SCAI: variants seen among roughly 807,000 people sequenced by gnomAD.
SCAI encodes suppressor of cancer cell invasion.
A neutral mutation model predicts 92.2 loss-of-function variants in SCAI; 24 were observed. That is an observed-to-expected ratio of 0.26 (90% CI 0.19 to 0.37). SCAI has a LOEUF of 0.37. Among genes scored for constraint, SCAI ranks in the 10% least tolerant of loss-of-function variants. The pLI is 1.00. For synonymous variants in SCAI, 261 were observed against 258.6 expected, an observed-to-expected ratio of 1.01 and a Z score of -0.09; for missense variants, 450 against 736.2, an observed-to-expected ratio of 0.61 and a Z score of 4.50.
intron 2 of SCAI, among the ~76,000 whole-genome samples, chr9:125,096,991 T>C (rs559749301): frequency 1.4e-4 from 22 of 152,224 alleles, no homozygotes; most frequent in Non-Finnish European, 1.8e-4. Flanking sequence ...CACATTTTTT[T>C]TGAGAAGTAG....
At chr9:124,971,871 T>G in intron 15 of SCAI, 27 bp from the exon 16 acceptor site, 2 of 1,463,722 alleles carry the variant, frequency 1.4e-6, no homozygotes, top group Non-Finnish European at 1.8e-6. Context: ...GTTATATATA[T>G]AGACAATAGT....
chr9:125,000,821 T>A (rs570862201), intron 12 of SCAI, among the ~76,000 whole-genome samples: 1 of 152,314 alleles, frequency 6.6e-6, no homozygotes, highest in South Asian at 2.1e-4. Flanking sequence ...CACTATTGTA[T>A]CAAGCACTTT....
chr9:125,069,110 C>A (rs779484202), intron 2 of SCAI, among the ~76,000 whole-genome samples: 1 of 151,708 alleles, frequency 6.6e-6, no homozygotes, highest in Non-Finnish European at 1.5e-5. Context: ...CCTAGCTACT[C>A]GGGAGGCTGA....
chr9:125,028,655 A>G (rs1374826692), intron 4 of SCAI, among the ~76,000 whole-genome samples, 177 bp from the exon 5 acceptor site: 1 of 149,092 alleles, frequency 6.7e-6, no homozygotes, highest in Non-Finnish European at 1.5e-5. Flanking sequence ...ATGTCTATTT[A>G]TAAGTTGAAA....
intron 2 of SCAI, among the ~76,000 whole-genome samples, chr9:125,095,024 A>C (rs1442118569): frequency 6.6e-6 from 1 of 152,160 alleles, no homozygotes; most frequent in Non-Finnish European, 1.5e-5. Context: ...AGACAAACAG[A>C]TGTGTCACCC....
intron 2 of SCAI, among the ~76,000 whole-genome samples, chr9:125,097,679 A>T (rs904562603): frequency 6.6e-6 from 1 of 151,820 alleles, no homozygotes; most frequent in Non-Finnish European, 1.5e-5. Flanking sequence ...AAGTAGGAAG[A>T]TTTCTCTAAC....
chr9:125,076,950 C>T (rs1195659005), intron 2 of SCAI, among the ~76,000 whole-genome samples: 2 of 152,182 alleles, frequency 1.3e-5, no homozygotes, highest in South Asian at 2.1e-4. Flanking sequence ...GATCCACCTG[C>T]CTTGGCCTCC....
chr9:125,067,884 T>C (rs973867118), intron 2 of SCAI, among the ~76,000 whole-genome samples: 1 of 152,208 alleles, frequency 6.6e-6, no homozygotes, highest in South Asian at 2.1e-4. Context: ...AAAGAAAATT[T>C]GGCAAATTAT....
intron 17 of SCAI, among the ~76,000 whole-genome samples, chr9:124,962,341 G>C (rs1443942727): frequency 6.6e-6 from 1 of 151,852 alleles, no homozygotes; most frequent in African/African-American, 2.4e-5. Flanking sequence ...TGTATTTTTA[G>C]TAGAGACGAG....
chr9:125,089,194 GTTCAGACTACCTCAAGTAGATAAACCAA>G (rs1391492307), intron 2 of SCAI, among the ~76,000 whole-genome samples: 1 of 152,046 alleles, frequency 6.6e-6, no homozygotes, highest in Non-Finnish European at 1.5e-5. Flanking sequence ...TCTACTTGTA[GTTCAGACTACCTCAAGTAGATAAACCAA>G]TTGTGCTGCT....
chr9:125,120,904 G>A (rs1375752898), intron 2 of SCAI, among the ~76,000 whole-genome samples: 1 of 151,558 alleles, frequency 6.6e-6, no homozygotes, highest in Non-Finnish European at 1.5e-5. Flanking sequence ...AGAAAAATAG[G>A]AGAGAGGACA....
chr9:124,966,720 T>C (rs1367510953), intron 17 of SCAI, among the ~76,000 whole-genome samples: 1 of 152,122 alleles, frequency 6.6e-6, no homozygotes, highest in Non-Finnish European at 1.5e-5. Context: ...AAAAAATAAT[T>C]TTATTTCAGG....
At chr9:125,072,309 A>T (rs1343506377) in intron 2 of SCAI, among the ~76,000 whole-genome samples, 2 of 152,200 alleles carry the variant, frequency 1.3e-5, no homozygotes, top group Non-Finnish European at 2.9e-5. Flanking sequence ...GGCGTAAGAT[A>T]GTAGAGATTC....
chr9:125,075,079 C>T (rs1834061040), intron 2 of SCAI, among the ~76,000 whole-genome samples: 1 of 152,060 alleles, frequency 6.6e-6, no homozygotes, highest in Non-Finnish European at 1.5e-5. Flanking sequence ...CATGGAATGA[C>T]TATTTATGAA....
At chr9:125,096,475 T>C (rs577038600) in intron 2 of SCAI, among the ~76,000 whole-genome samples, 2 of 152,348 alleles carry the variant, frequency 1.3e-5, no homozygotes, top group Admixed American at 1.3e-4. Flanking sequence ...ATAAAGGCTC[T>C]ACTTTATTTC....
chr9:125,079,921 A>C (rs1398607779), intron 2 of SCAI, among the ~76,000 whole-genome samples: 1 of 152,234 alleles, frequency 6.6e-6, no homozygotes, highest in Non-Finnish European at 1.5e-5. Context: ...AACAAAGCAC[A>C]TGAATTACTC....
At chr9:125,068,104 C>T (rs1367693763) in intron 2 of SCAI, among the ~76,000 whole-genome samples, 1 of 152,180 alleles carries the variant, frequency 6.6e-6, no homozygotes, top group Non-Finnish European at 1.5e-5. Flanking sequence ...CTTGGTATAG[C>T]ACAAAAGCCC....
chr9:124,968,072 G>A (rs1262968169), intron 17 of SCAI, among the ~76,000 whole-genome samples: 1 of 152,166 alleles, frequency 6.6e-6, no homozygotes, highest in African/African-American at 2.4e-5. Context: ...GATATCATAT[G>A]AGGGAGGAAA....
chr9:124,956,740 C>G (rs1374856816), intron 17 of SCAI, among the ~76,000 whole-genome samples: 1 of 152,140 alleles, frequency 6.6e-6, no homozygotes, highest in Non-Finnish European at 1.5e-5. Context: ...CATCTTTCCC[C>G]TAAAATCAGG....
Sources: allele counts gnomAD v4.1 joint callset (sites outside exome capture counted in the v4.1 genomes callset), GRCh38; gene constraint gnomAD v4.1.1; transcripts MANE v1.5; gene names NCBI Gene and HGNC (gene_info 2026-07-23, HGNC 2026-07-21).